SKOR2: variants seen among roughly 807,000 people sequenced by gnomAD.
The protein encoded by SKOR2 is SKI family transcriptional corepressor 2.
A neutral mutation model predicts 69.1 loss-of-function variants in SKOR2; 47 were observed. That is an observed-to-expected ratio of 0.68 (90% confidence interval 0.54 to 0.87). The LOEUF is 0.87. SKOR2 is among the 40% of genes least tolerant of loss of function. The pLI is 0.00. For synonymous variants in SKOR2, 717 were observed against 672.6 expected (o/e 1.07, Z -1.02); for missense variants, 1,404 against 1,472.2 (o/e 0.95, Z 0.76).
intron 4 of SKOR2, among the ~76,000 whole-genome samples, chr18:47,231,859 A>T (rs1022248861): frequency 7.0e-6 from 1 of 143,564 alleles, no homozygotes; most frequent in Non-Finnish European, 1.5e-5. Context: ...AAAAAAAAAA[A>T]TCAACTTAAA....
chr18:47,227,630 C>T (rs1600033069), intron 6 of SKOR2, among the ~76,000 whole-genome samples: 2 of 152,266 alleles, frequency 1.3e-5, no homozygotes, highest in Middle Eastern at 6.8e-3. Context: ...TGTGCCTGGC[C>T]AGAAGCCAAA....
At chr18:47,228,432 A>T (rs961051370) in intron 6 of SKOR2, among the ~76,000 whole-genome samples, 2 of 152,248 alleles carry the variant, frequency 1.3e-5, no homozygotes, top group African/African-American at 4.8e-5. Flanking sequence ...ATTTTGTTTA[A>T]CGGAAACATG....
intron 4 of SKOR2, among the ~76,000 whole-genome samples, chr18:47,235,799 A>AG (rs1229283027): frequency 6.6e-6 from 1 of 151,440 alleles, no homozygotes; most frequent in Non-Finnish European, 1.5e-5. Context: ...AAAAAAAAAA[A>AG]AACAGCCAAC....
At chr18:47,230,419 C>T (rs1372097277) in intron 6 of SKOR2, 40 bp downstream of exon 6, 1 of 1,178,428 alleles carries the variant, frequency 8.5e-7, no homozygotes, top group Non-Finnish European at 1.1e-6. Flanking sequence ...GAAACGTAAT[C>T]AATTATCATA....
At position 47,248,337 on chromosome 18, in the gene SKOR2, C is replaced by A; in HGVS notation, c.847G>T (p.Gly283Cys). The A allele has an allele frequency of 8.3e-7, 1 of 1,204,164 alleles. No individual in the cohort carries two copies. Among genetic ancestry groups the A allele is most frequent in the Non-Finnish European group, 1.0e-6 (1 of 973,076 alleles). 74.6% of individuals were successfully genotyped at this position (1,204,164 alleles called of 1,614,324 possible). A position where few individuals can be genotyped will look rare whatever the true frequency, so the allele number is the denominator to read the frequency against. ...GGGLLGPHLL[G>C]APPPPPPPPP... ...GGCGGCGGCGGCGGCGGGGGCGCAC[C>A]CAGCAGGTGGGGGCCCAGCAGACCC... The change falls in exon 2 of 9, where the codon GGT (glycine) becomes TGT (cysteine). Residue 283 changes from glycine to cysteine, a missense_variant. Coordinates refer to ENST00000425639, the MANE Select transcript of SKOR2 (RefSeq NM_001278063.4). The surrounding 1 kb of genome is among the most constrained non-coding windows in gnomAD (Gnocchi z 6.4).
chr18:47,245,495 T>TTTTTTTTTTTTTA lies in SKOR2; in HGVS notation c.2677+2_2677+3insTAAAAAAAAAAAA. The stretch of plus-strand genomic sequence containing the variant: ...GGCAGCTGATTTTTTTTTTTTTTTT[T>TTTTTTTTTTTTTA]ACCTGAAAAGCTGTTGTCATCCTTT... On this transcript the variant is annotated splice_region_variant and intron_variant, in intron 3 of 8. Coordinates refer to ENST00000425639, the MANE Select transcript of SKOR2 (RefSeq NM_001278063.4). The TTTTTTTTTTTTTA allele has an allele frequency of 8.2e-6, 12 of 1,470,304 alleles. No individual in the cohort carries two copies. The highest frequency in any genetic ancestry group is 1.5e-5 in the African/African-American group (1 of 67,660). The allele number at this position is 1,470,304 out of a possible 1,614,324, so 91.1% of individuals were successfully genotyped here.
chr18:47,212,487 T>A (rs2064130762), intron 7 of SKOR2, among the ~76,000 whole-genome samples: 1 of 152,242 alleles, frequency 6.6e-6, no homozygotes, highest in Non-Finnish European at 1.5e-5. Flanking sequence ...TGAGTTACGA[T>A]GTTCTAATGT....
chr18:47,246,041 T>C (rs2064271537), intron 2 of SKOR2, among the ~76,000 whole-genome samples: 1 of 152,180 alleles, frequency 6.6e-6, no homozygotes, highest in Non-Finnish European at 1.5e-5. Flanking sequence ...CTGTCTTTTG[T>C]TTCACTGGAC....
At chr18:47,241,441 T>C (rs2064248333) in intron 4 of SKOR2, among the ~76,000 whole-genome samples, 2 of 152,132 alleles carry the variant, frequency 1.3e-5, no homozygotes, top group African/African-American at 4.8e-5. Flanking sequence ...TACCAAAACA[T>C]AGGTCACTTG....
chr18:47,225,810 C>G (rs2064176721), intron 6 of SKOR2, among the ~76,000 whole-genome samples: 1 of 152,024 alleles, frequency 6.6e-6, no homozygotes, highest in Admixed American at 6.6e-5. Flanking sequence ...TGAGAGTGGT[C>G]TGCCAGGTAA....
intron 1 of SKOR2, among the ~76,000 whole-genome samples, chr18:47,249,809 A>T (rs1417317046): frequency 6.6e-6 from 1 of 152,164 alleles, no homozygotes; most frequent in Non-Finnish European, 1.5e-5. Context: ...CTTCTCCCTC[A>T]CCCTTGCCAT....
At chr18:47,237,703 T>TTC (rs1568088437) in intron 4 of SKOR2, among the ~76,000 whole-genome samples, 1 of 150,298 alleles carries the variant, frequency 6.7e-6, no homozygotes, top group African/African-American at 2.4e-5. Flanking sequence ...CTTTTTCTTT[T>TTC]TTTTTTTTTT....
rs370893702 is a variant in SKOR2, at chr18:47,230,370, C to T, written c.2917+89G>A. ...GAAGACTGTGTGTGTTTTGCACAATCGCTTAATACTTAGAATCACATTCTT... is the reference window on the plus strand; with the variant it reads ...GAAGACTGTGTGTGTTTTGCACAATTGCTTAATACTTAGAATCACATTCTT... On this transcript the variant is annotated intron_variant, in intron 6 of 8. Transcript: ENST00000425639. The T allele has an allele frequency of 2.0e-5, 16 of 808,038 alleles. No individual in the cohort carries two copies. The East Asian group carries it at 2.2e-4, about 11-fold the overall frequency. The allele number at this position is 808,038 out of a possible 1,614,324, so 50.1% of individuals were successfully genotyped here.
rs76313824 is a variant in SKOR2 at position 47,226,968 on chromosome 18, G to A, written c.2917+3491C>T. On this transcript the variant is annotated intron_variant, in intron 6 of 8. Transcript: ENST00000425639. ...CATACTTCTCTGCCTCTGCTGTAAT[G>A]GCAAATGCCTGCCTTGCCTTGCTTT... Among the ~76,000 whole-genome samples, 1,111 of 152,250 alleles carry A rather than the reference G, an allele frequency of 7.3e-3. 11 individuals carry two copies. Among genetic ancestry groups the A allele is most frequent in the African/African-American group, 0.026 (1,066 of 41,528 alleles).
At chr18:47,242,406 TATGA>T (rs2064253095) in intron 4 of SKOR2, among the ~76,000 whole-genome samples, 1 of 152,134 alleles carries the variant, frequency 6.6e-6, no homozygotes, top group Non-Finnish European at 1.5e-5. Context: ...TTAAAAAAAT[TATGA>T]ATGTTAGCTG....
At chr18:47,227,099 C>T (rs1400640202) in intron 6 of SKOR2, among the ~76,000 whole-genome samples, 3 of 152,118 alleles carry the variant, frequency 2.0e-5, no homozygotes, top group African/African-American at 7.2e-5. Context: ...TTCTCTTCCT[C>T]CTCCCAACTG....
intron 7 of SKOR2, among the ~76,000 whole-genome samples, chr18:47,217,307 A>C (rs990498215): frequency 2.0e-5 from 3 of 152,190 alleles, no homozygotes; most frequent in African/African-American, 7.2e-5. Flanking sequence ...GCACCTTATA[A>C]TATTCCTACC....
At chr18:47,237,136 C>T (rs949580999) in intron 4 of SKOR2, among the ~76,000 whole-genome samples, 8 of 152,286 alleles carry the variant, frequency 5.3e-5, no homozygotes, top group East Asian at 3.9e-4. Flanking sequence ...GTTGTCATGA[C>T]GAGTTTTAAA....
chr18:47,237,166 T>C (rs769239984), intron 4 of SKOR2, among the ~76,000 whole-genome samples: 1 of 152,256 alleles, frequency 6.6e-6, no homozygotes, highest in Non-Finnish European at 1.5e-5. Flanking sequence ...TGTTCCTATA[T>C]GTGAAAAGCA....
Sources: allele counts gnomAD v4.1 joint callset (sites outside exome capture counted in the v4.1 genomes callset), GRCh38; gene constraint gnomAD v4.1.1; non-coding constraint Gnocchi (gnomAD v3.1); transcripts MANE v1.5; gene names NCBI Gene and HGNC (gene_info 2026-07-23, HGNC 2026-07-21).